The following NHS variants were observed in gnomAD, a reference collection of about 807,000 sequenced individuals.
NHS encodes the protein actin remodeling regulator NHS.
NHS carries 5 observed loss-of-function variants against 72.5 expected under a neutral mutation model. The observed-to-expected ratio is 0.07, with a 90% confidence interval of 0.04 to 0.14. The LOEUF (loss-of-function observed/expected upper bound fraction) is 0.14, where lower values mean the gene tolerates loss of function less well. Ranked by LOEUF, NHS falls within the 10% of genes least tolerant of loss-of-function variation. NHS has a pLI of 1.00. For missense variants in NHS, 1,072 were observed against 1,355.7 expected, an observed-to-expected ratio of 0.79 and a Z score of 3.29; for synonymous variants, 464 against 547.7, an observed-to-expected ratio of 0.85 and a Z score of 2.13.
At chrX:17,569,040 C>T (rs2146972032) in intron 1 of NHS, among the ~76,000 whole-genome samples, 1 of 111,606 alleles carries the variant, frequency 9.0e-6, no homozygotes, top group South Asian at 3.7e-4. Context: ...GTATATGTGC[C>T]ACATTTTCTT....
At chrX:17,537,461 C>G (rs979205342) in intron 1 of NHS, among the ~76,000 whole-genome samples, 2 of 112,628 alleles carry the variant, frequency 1.8e-5, no homozygotes, top group Admixed American at 1.9e-4. Context: ...CTAGCCTGCC[C>G]CAGGCAGAGA....
intron 1 of NHS, among the ~76,000 whole-genome samples, chrX:17,673,225 CACACACACACACAA>C (rs896548648): frequency 4.0e-5 from 4 of 100,405 alleles, no homozygotes; most frequent in African/African-American, 1.5e-4. Flanking sequence ...CACACACACA[CACACACACACACAA>C]GAAAGCTCGT....
At position 17,564,975 on chromosome X, in the gene NHS, T is replaced by A. The variant is rs183250427; in HGVS notation, c.566-122767T>A. ...GCAAATTGGGTACAGCCACATTTTT[T>A]TTTATTTATTTTTTTTTTTTGCAGC... On this transcript the variant is annotated intron_variant, in intron 1 of 8. Transcript: ENST00000676302. Among the ~76,000 whole-genome samples the A allele has an allele frequency of 5.4e-3, 541 of 100,635 alleles. 1 individual carries two copies. The highest frequency in any genetic ancestry group is 9.5e-3 in the Admixed American group (96 of 10,073). The allele number at this position is 100,635 out of a possible 115,157, so 87.4% of individuals were successfully genotyped here.
chrX:17,506,646 G>A (rs2065060541), intron 1 of NHS, among the ~76,000 whole-genome samples: 1 of 111,630 alleles, frequency 9.0e-6, no homozygotes, highest in South Asian at 3.7e-4. Context: ...CTTTCTCCTT[G>A]TGACTGTTGG....
At chrX:17,721,706 G>A in intron 5 of NHS, 73 bp downstream of exon 5, 2 of 949,791 alleles carry the variant, frequency 2.1e-6, no homozygotes, top group Non-Finnish European at 2.9e-6. Context: ...CAAAATCTGT[G>A]CTGCTAAGAA....
chrX:17,459,522 T>C (rs1351912694), intron 1 of NHS, among the ~76,000 whole-genome samples: 1 of 112,556 alleles, frequency 8.9e-6, no homozygotes, highest in African/African-American at 3.2e-5. Context: ...TCCAGGGACT[T>C]ATTACAAATT....
intron 1 of NHS, among the ~76,000 whole-genome samples, chrX:17,622,318 C>T (rs192631784): frequency 8.9e-5 from 10 of 112,725 alleles, no homozygotes; most frequent in East Asian, 5.6e-4. Flanking sequence ...AGCAGCTTCC[C>T]GTGCCCATTT....
At chrX:17,579,111 A>T (rs2065528641) in intron 1 of NHS, among the ~76,000 whole-genome samples, 1 of 112,367 alleles carries the variant, frequency 8.9e-6, no homozygotes, top group South Asian at 3.7e-4. Context: ...CCTTTTAAAC[A>T]TTTATTGCCA....
At chrX:17,683,654 T>C (rs1569308225) in intron 1 of NHS, among the ~76,000 whole-genome samples, 1 of 111,922 alleles carries the variant, frequency 8.9e-6, no homozygotes, top group East Asian at 2.8e-4. Flanking sequence ...GCTTAGAACT[T>C]GGCATATGGT....
At chrX:17,449,750 C>A (rs759298076) in intron 1 of NHS, among the ~76,000 whole-genome samples, 166 of 112,097 alleles carry the variant, frequency 1.5e-3, no homozygotes, top group Non-Finnish European at 2.6e-3. Context: ...AGCTCTTAAT[C>A]TGTAAGAACC....
At chrX:17,425,544 A>G (rs867340211) in intron 1 of NHS, among the ~76,000 whole-genome samples, 43 of 45,855 alleles carry the variant, frequency 9.4e-4, no homozygotes, top group African/African-American at 2.2e-3. Flanking sequence ...AAAAAAAAAA[A>G]AAAAAAAAAA....
intron 8 of NHS, among the ~76,000 whole-genome samples, chrX:17,730,822 C>T (rs1401486811): frequency 8.9e-6 from 1 of 112,018 alleles, no homozygotes; most frequent in Non-Finnish European, 1.9e-5. Context: ...GCTTTAAGAG[C>T]TCCAGAGATG....
intron 1 of NHS, among the ~76,000 whole-genome samples, chrX:17,499,808 T>C (rs1229404403): frequency 1.8e-5 from 2 of 111,940 alleles, no homozygotes; most frequent in Admixed American, 9.4e-5. Context: ...TGTGAGACAC[T>C]AGCAGCCACC....
At chrX:17,387,073 C>T (rs1458805360) in intron 1 of NHS, among the ~76,000 whole-genome samples, 2 of 112,393 alleles carry the variant, frequency 1.8e-5, no homozygotes, top group African/African-American at 6.5e-5. Context: ...AGCCCACTGG[C>T]AGGCAGTACT....
At chrX:17,693,114 A>G (rs1422122063) in intron 3 of NHS, among the ~76,000 whole-genome samples, 1 of 112,584 alleles carries the variant, frequency 8.9e-6, no homozygotes, top group Non-Finnish European at 1.9e-5. Context: ...ACTTAATACC[A>G]TGGTGACGTC....
chrX:17,455,843 T>C (rs368006698), intron 1 of NHS, among the ~76,000 whole-genome samples: 1 of 111,572 alleles, frequency 9.0e-6, no homozygotes, highest in South Asian at 3.8e-4. Flanking sequence ...TTGCTTGATG[T>C]GGCAGTTGAA....
intron 1 of NHS, among the ~76,000 whole-genome samples, chrX:17,408,463 A>G (rs1306557845): frequency 9.0e-6 from 1 of 111,604 alleles, no homozygotes; most frequent in Admixed American, 9.5e-5. Context: ...TTTCCACTAG[A>G]TTATGAGTTC....
chrX:17,572,137 A>G (rs780065639), intron 1 of NHS, among the ~76,000 whole-genome samples: 2 of 111,775 alleles, frequency 1.8e-5, no homozygotes, highest in East Asian at 2.8e-4. Flanking sequence ...AAGAATGTGT[A>G]TTCTGTTGAT....
chrX:17,413,095 C>A (rs765035357), intron 1 of NHS, among the ~76,000 whole-genome samples: 1 of 112,225 alleles, frequency 8.9e-6, no homozygotes, highest in Admixed American at 9.4e-5. Flanking sequence ...TATGTGACTA[C>A]CTGTGTATTT....
Sources: allele counts gnomAD v4.1 joint callset (sites outside exome capture counted in the v4.1 genomes callset), GRCh38; gene constraint gnomAD v4.1.1; transcripts MANE v1.5; gene names NCBI Gene and HGNC (gene_info 2026-07-23, HGNC 2026-07-21).